Variants in MED12L observed in about 807,000 individuals in gnomAD.
The protein encoded by MED12L is mediator complex subunit 12L, also known as mediator of RNA polymerase II transcription subunit 12-like protein.
A neutral mutation model predicts 281.3 loss-of-function variants in MED12L; 60 were observed. The ratio of observed to expected loss-of-function variants is 0.21; its 90% CI spans 0.17 to 0.26. The LOEUF (loss-of-function observed/expected upper bound fraction) is 0.26. Among genes scored for constraint, MED12L ranks in the 10% least tolerant of loss-of-function variants. MED12L has a pLI of 1.00. For missense variants in MED12L, 2,146 were observed against 2,680.9 expected, an observed-to-expected ratio of 0.80 and a Z score of 4.41; for synonymous variants, 974 against 987.2, an observed-to-expected ratio of 0.99 and a Z score of 0.25.
intron 16 of MED12L, chr3:151,199,057 A>C: frequency 1.2e-6 from 2 of 1,614,050 alleles, no homozygotes; most frequent in Non-Finnish European, 1.7e-6. Flanking sequence ...GACAGCGGTC[A>C]ATGCTGACAA....
At chr3:151,314,698 C>G (rs1748003342) in intron 16 of MED12L, among the ~76,000 whole-genome samples, 1 of 152,162 alleles carries the variant, frequency 6.6e-6, no homozygotes, top group South Asian at 2.1e-4. Context: ...CCCATTTCCT[C>G]TCAAGCATTC....
In MED12L at chr3:151,411,385, C is replaced by G. The variant is rs1460728065; in HGVS notation, c.6018C>G (p.Ala2006=). Residue 2006 remains alanine, a synonymous_variant, in exon 41 of 45, where the codon GCC becomes GCG. Coordinates refer to ENST00000687756, the MANE Select transcript of MED12L (RefSeq NM_001393769.1). ...VVLSPSYNSR[A]YPAAHSNPVL... The stretch of plus-strand genomic sequence containing the variant: ...TGTCTCCCAGCTATAACTCCAGAGC[C>G]TATCCGGCCGCACATTCCAACCCCG... 1.2e-6 allele frequency: 2 copies of G among 1,614,218 alleles called. No homozygotes were observed. Among genetic ancestry groups the G allele is most frequent in the South Asian group, 2.2e-5 (2 of 91,084 alleles).
At chr3:151,415,425 T>C (rs1160464830) in intron 42 of MED12L, among the ~76,000 whole-genome samples, 1 of 152,234 alleles carries the variant, frequency 6.6e-6, no homozygotes, top group Non-Finnish European at 1.5e-5. Flanking sequence ...CAACTTGCGT[T>C]GTTCTTGTTG....
chr3:151,284,541 G>A (rs1743214523), intron 16 of MED12L, among the ~76,000 whole-genome samples: 1 of 152,146 alleles, frequency 6.6e-6, no homozygotes, highest in African/African-American at 2.4e-5. Context: ...GCTATTATGT[G>A]TGGACCTGTT....
rs1454477923 is a variant in MED12L at position 151,165,790 on chromosome 3, G to GT, written c.1358-54dup. 16 of 1,560,016 alleles carry GT rather than the reference G, an allele frequency of 1.0e-5. No homozygotes were observed. In the Admixed American group the frequency reaches 2.7e-4, roughly 26 times the overall value. ...ACATAGAATGGTGATTTTGTACTGT[G>GT]TTATAACTGTGTTATTTTTGGCCTC... On this transcript the variant is annotated intron_variant, in intron 10 of 44. Coordinates refer to ENST00000687756, the MANE Select transcript of MED12L (RefSeq NM_001393769.1).
intron 2 of MED12L, among the ~76,000 whole-genome samples, chr3:151,111,043 G>C (rs1461866333): frequency 2.6e-5 from 4 of 152,206 alleles, no homozygotes; most frequent in African/African-American, 7.2e-5. Context: ...CACCACCCCT[G>C]ACCTACTGAA....
intron 16 of MED12L, among the ~76,000 whole-genome samples, chr3:151,204,927 C>T (rs964438718): frequency 2.0e-5 from 3 of 152,234 alleles, no homozygotes; most frequent in Non-Finnish European, 4.4e-5. Context: ...GTTTCTGTGT[C>T]TGGATTGCCA....
intron 16 of MED12L, among the ~76,000 whole-genome samples, chr3:151,218,034 T>C (rs572067175): frequency 4.6e-5 from 7 of 152,342 alleles, no homozygotes; most frequent in African/African-American, 1.7e-4. Context: ...CCTCGTGATA[T>C]CTACTCAGTC....
At chr3:151,105,633 C>G (rs1721916949) in intron 2 of MED12L, among the ~76,000 whole-genome samples, 1 of 152,126 alleles carries the variant, frequency 6.6e-6, no homozygotes, top group Admixed American at 6.5e-5. Flanking sequence ...GCTATTAAAT[C>G]AATACTGGAT....
At chr3:151,096,571 T>A (rs1313029757) in intron 2 of MED12L, among the ~76,000 whole-genome samples, 1 of 152,192 alleles carries the variant, frequency 6.6e-6, no homozygotes, top group South Asian at 2.1e-4. Context: ...TATATCTGTT[T>A]CTGGCAGAAA....
chr3:151,296,527 C>A (rs901267728), intron 16 of MED12L, among the ~76,000 whole-genome samples: 1 of 152,054 alleles, frequency 6.6e-6, no homozygotes, highest in Admixed American at 6.6e-5. Flanking sequence ...GGAGTACTTA[C>A]CAGTCTTCAA....
chr3:151,375,980 T>TATATATATATAC (rs754108179), intron 27 of MED12L, 46 bp from the exon 28 acceptor site: 7 of 1,077,838 alleles, frequency 6.5e-6, no homozygotes, highest in Non-Finnish European at 9.2e-6. Context: ...CATATATATA[T>TATATATATATAC]ACCGAAAGCC....
intron 16 of MED12L, among the ~76,000 whole-genome samples, chr3:151,225,675 G>C (rs1478057590): frequency 6.6e-6 from 1 of 152,090 alleles, no homozygotes; most frequent in Non-Finnish European, 1.5e-5. Context: ...TGGCACTCTT[G>C]TCCGTGCCCT....
intron 11 of MED12L, among the ~76,000 whole-genome samples, chr3:151,172,553 G>A (rs906953411): frequency 1.6e-4 from 24 of 152,196 alleles, no homozygotes; most frequent in African/African-American, 5.8e-4. Flanking sequence ...TGGTTTTCAT[G>A]AAGTCTTTAC....
chr3:151,087,053 A>C, intron 2 of MED12L, 28 bp downstream of exon 2: 1 of 1,563,778 alleles, frequency 6.4e-7, no homozygotes, highest in Non-Finnish European at 8.7e-7. Context: ...CTCCCCGGCA[A>C]CCGGGGCCGC....
chr3:151,309,139 A>ACG (rs56275632), intron 16 of MED12L, among the ~76,000 whole-genome samples: 15 of 96,404 alleles, frequency 1.6e-4, no homozygotes, highest in Admixed American at 7.0e-4. Flanking sequence ...ACACACACAC[A>ACG]CGCACACACA....
At chr3:151,241,005 G>A (rs1447885758) in intron 16 of MED12L, among the ~76,000 whole-genome samples, 3 of 152,134 alleles carry the variant, frequency 2.0e-5, no homozygotes, top group Non-Finnish European at 4.4e-5. Context: ...TCTCCTGGTT[G>A]CCAAAAACAT....
Position 151,432,804 on chromosome 3 carries a change from A to G in MED12L, c.6543A>G (p.Ter2181TrpextTer14), listed in dbSNP as rs1719685312. Reference sequence around the variant, plus strand: ...CGTATGGGCATCCTTCACACTTCTGAATCTGCAAGAGGAGAAGACATGACG... The same window carrying G: ...CGTATGGGCATCCTTCACACTTCTGGATCTGCAAGAGGAGAAGACATGACG... Reference protein sequence around the residue: ...VTPYGHPSHF* With the variant: ...VTPYGHPSHFW The change falls in exon 45 of 45, where the codon TGA becomes TGG. Residue 2181 changes from the stop codon to tryptophan, a stop_lost. Coordinates refer to ENST00000687756, the MANE Select transcript of MED12L (RefSeq NM_001393769.1). 6.2e-7 allele frequency: 1 copy of G among 1,612,282 alleles called. No individual in the cohort carries two copies. Among genetic ancestry groups the G allele is most frequent in the African/African-American group, 1.3e-5 (1 of 74,906 alleles).
intron 42 of MED12L, among the ~76,000 whole-genome samples, chr3:151,414,794 C>G (rs1471284286): frequency 6.7e-6 from 1 of 148,406 alleles, no homozygotes; most frequent in Non-Finnish European, 1.5e-5. Flanking sequence ...CAATCTCAGT[C>G]ATTGTATAGA....
Sources: gnomAD v4.1 joint callset for allele counts (sites outside exome capture counted in the v4.1 genomes callset) on GRCh38, gnomAD v4.1.1 for gene constraint, MANE v1.5 for transcripts, NCBI Gene and HGNC (gene_info 2026-07-23, HGNC 2026-07-21) for gene names.